METAP1: variants seen among roughly 807,000 people sequenced by gnomAD.
METAP1 encodes methionyl aminopeptidase 1, also known as methionine aminopeptidase 1.
METAP1 carries 28 observed loss-of-function variants against 53.8 expected under a neutral mutation model. That is an observed-to-expected ratio of 0.52 (90% CI 0.39 to 0.71). The LOEUF (loss-of-function observed/expected upper bound fraction) is 0.71. METAP1 is among the 30% of genes least tolerant of loss of function. The probability of loss-of-function intolerance (pLI) is 0.00; values close to 1 mark genes in which losing one functional copy is unlikely to be tolerated. For missense variants in METAP1, 389 were observed against 479.8 expected (o/e 0.81, Z 1.77); for synonymous variants, 181 against 165.7 (o/e 1.09, Z -0.71).
chr4:99,048,136 CCTCT>C (rs1726407489), intron 8 of METAP1, among the ~76,000 whole-genome samples: 1 of 152,110 alleles, frequency 6.6e-6, no homozygotes, highest in African/African-American at 2.4e-5. Flanking sequence ...AGTGTATTTT[CCTCT>C]CTATTTTTCT....
chr4:98,997,701 T>G (rs1041197515), intron 1 of METAP1, among the ~76,000 whole-genome samples: 1 of 152,176 alleles, frequency 6.6e-6, no homozygotes, highest in African/African-American at 2.4e-5. Context: ...CTAGACAAAT[T>G]TGTGAAAACA....
intron 1 of METAP1, among the ~76,000 whole-genome samples, chr4:99,021,019 A>G (rs931442821): frequency 4.1e-4 from 62 of 152,152 alleles, no homozygotes; most frequent in Non-Finnish European, 7.3e-5. Context: ...CAGTAGACTC[A>G]ATCCCCCAGA....
chr4:99,031,247 ATTTAC>A (rs1302163017), intron 2 of METAP1, among the ~76,000 whole-genome samples: 3 of 152,008 alleles, frequency 2.0e-5, no homozygotes, highest in Non-Finnish European at 4.4e-5. Flanking sequence ...CTTAAGCAGC[ATTTAC>A]TTTTAGTATT....
intron 1 of METAP1, among the ~76,000 whole-genome samples, chr4:99,012,986 G>A (rs1560697764): frequency 6.6e-6 from 1 of 152,254 alleles, no homozygotes; most frequent in South Asian, 2.1e-4. Flanking sequence ...ATAGAAAGGA[G>A]TGTCTGGATT....
chr4:99,010,274 T>G (rs1225724326), intron 1 of METAP1, among the ~76,000 whole-genome samples: 1 of 152,142 alleles, frequency 6.6e-6, no homozygotes, highest in Non-Finnish European at 1.5e-5. Flanking sequence ...GGCAAGATGG[T>G]GAAACCCTTT....
chr4:99,026,935 C>T (rs1392665236), intron 1 of METAP1: 1 of 764,108 alleles, frequency 1.3e-6, no homozygotes, highest in Non-Finnish European at 1.6e-6. Flanking sequence ...AAGCCCTTAG[C>T]TAATGAATCT....
intron 1 of METAP1, chr4:99,023,867 G>A: frequency 3.7e-6 from 3 of 803,998 alleles, no homozygotes; most frequent in Non-Finnish European, 4.5e-6. Context: ...AATTGCAGTA[G>A]AGAAAGAGTT....
chr4:99,052,915 C>T (rs1198508950), intron 9 of METAP1, among the ~76,000 whole-genome samples: 1 of 152,206 alleles, frequency 6.6e-6, no homozygotes, highest in Non-Finnish European at 1.5e-5. Flanking sequence ...TATTCCAAAT[C>T]TTTTGTTGTC....
At chr4:99,022,984 A>G in intron 1 of METAP1, 2 of 1,476,272 alleles carry the variant, frequency 1.4e-6, no homozygotes, top group Admixed American at 2.0e-5. Flanking sequence ...GATATGGCCC[A>G]GGTACACAAT....
intron 1 of METAP1, among the ~76,000 whole-genome samples, chr4:99,017,797 A>G (rs963808999): frequency 1.6e-4 from 24 of 152,362 alleles, no homozygotes; most frequent in African/African-American, 5.8e-4. Context: ...CTAATATGGC[A>G]TTGGCTGCCA....
intron 1 of METAP1, among the ~76,000 whole-genome samples, chr4:99,018,828 G>A (rs951065331): frequency 1.6e-4 from 24 of 152,092 alleles, no homozygotes; most frequent in Admixed American, 1.4e-3. Flanking sequence ...AGTCCTACCC[G>A]GCCTTCCAGG....
intron 1 of METAP1, among the ~76,000 whole-genome samples, chr4:99,028,313 T>C (rs1724726256): frequency 6.6e-6 from 1 of 152,146 alleles, no homozygotes; most frequent in Non-Finnish European, 1.5e-5. Context: ...TTAATTCTGA[T>C]CATTCAGTCA....
chr4:99,062,641 AC>A lies in METAP1; in HGVS notation c.*1325del, dbSNP rs1033259385. The A allele has an allele frequency of 1.3e-5, 2 of 152,626 alleles. No homozygotes were observed. Among genetic ancestry groups the A allele is most frequent in the African/African-American group, 4.8e-5 (2 of 41,448 alleles). 9.5% of individuals were successfully genotyped at this position (152,626 alleles called of 1,614,324 possible). A position where few individuals can be genotyped will look rare whatever the true frequency, so the allele number is the denominator to read the frequency against. On this transcript the variant is annotated 3_prime_UTR_variant, in exon 11 of 11. Coordinates refer to ENST00000296411, the MANE Select transcript of METAP1 (RefSeq NM_015143.3). ...TTTAAAATATAATAATGTTTTCATT[AC>A]TTTTATTATTTGAATGATTTAGTAA...
intron 1 of METAP1, among the ~76,000 whole-genome samples, chr4:99,021,449 C>T (rs923043144): frequency 2.0e-5 from 3 of 152,170 alleles, no homozygotes; most frequent in African/African-American, 7.2e-5. Context: ...CTGGGTGCCT[C>T]CCCACAAGAG....
At chr4:99,022,365 T>C (rs983446713) in intron 1 of METAP1, 9 of 890,830 alleles carry the variant, frequency 1.0e-5, no homozygotes, top group South Asian at 3.9e-5. Context: ...GTGGCGGGGC[T>C]CCAAAGATCC....
intron 1 of METAP1, among the ~76,000 whole-genome samples, chr4:99,001,266 G>A (rs1722912626): frequency 6.6e-6 from 1 of 152,158 alleles, no homozygotes. Flanking sequence ...AGTTAGCTGA[G>A]TTTAGGTACA....
At chr4:99,048,622 G>A in intron 8 of METAP1, 111 bp from the exon 9 acceptor site, 1 of 1,177,204 alleles carries the variant, frequency 8.5e-7, no homozygotes, top group Non-Finnish European at 1.2e-6. Flanking sequence ...TTCCTGCCTT[G>A]ACCTCTCAAA....
intron 1 of METAP1, chr4:99,023,030 C>T (rs1579271026): frequency 6.9e-7 from 1 of 1,439,714 alleles, no homozygotes. Context: ...CCACAGGCTG[C>T]TGCTTTGGAT....
chr4:99,047,535 C>A (rs1387757883), intron 8 of METAP1, among the ~76,000 whole-genome samples: 3 of 152,046 alleles, frequency 2.0e-5, no homozygotes, highest in African/African-American at 7.3e-5. Flanking sequence ...AAACCAGAAA[C>A]CTCCTTCCTT....
Sources: allele counts gnomAD v4.1 joint callset (sites outside exome capture counted in the v4.1 genomes callset), GRCh38; gene constraint gnomAD v4.1.1; transcripts MANE v1.5; gene names NCBI Gene and HGNC (gene_info 2026-07-23, HGNC 2026-07-21).